The following IQCK variants were observed in gnomAD, a reference collection of about 807,000 sequenced individuals.
IQCK encodes IQ domain-containing protein K.
A neutral mutation model predicts 28.1 loss-of-function variants in IQCK; 29 were observed. That is an observed-to-expected ratio of 1.03 (90% CI 0.77 to 1.41). IQCK has a LOEUF of 1.41. Among genes scored for constraint, IQCK ranks in the 40% most tolerant of loss-of-function variants. The pLI, the probability that IQCK is intolerant of heterozygous loss-of-function variation, is 0.00. For missense variants in IQCK, 359 were observed against 314.7 expected (o/e 1.14, Z -1.07); for synonymous variants, 113 against 115.1 (o/e 0.98, Z 0.12).
At chr16:19,841,048 CA>C (rs1461905426) in intron 9 of IQCK, among the ~76,000 whole-genome samples, 2 of 152,234 alleles carry the variant, frequency 1.3e-5, no homozygotes, top group African/African-American at 4.8e-5. Flanking sequence ...AGGATGTGAA[CA>C]GCTAAAGCGT....
intron 6 of IQCK, among the ~76,000 whole-genome samples, chr16:19,767,169 A>G (rs1393902160): frequency 1.3e-5 from 2 of 152,200 alleles, no homozygotes; most frequent in African/African-American, 4.8e-5. Flanking sequence ...GGCGGTGTCT[A>G]TAGGTGAATT....
At chr16:19,828,941 AATT>A (rs1372266948), downstream of IQCK, among the ~76,000 whole-genome samples, 2 of 143,990 alleles carry the variant, frequency 1.4e-5, no homozygotes, top group Non-Finnish European at 1.5e-5. Flanking sequence ...AATATATTTT[AATT>A]ATTTAATTAT....
At chr16:19,768,105 A>G (rs2055268452) in intron 6 of IQCK, among the ~76,000 whole-genome samples, 1 of 151,220 alleles carries the variant, frequency 6.6e-6, no homozygotes, top group South Asian at 2.1e-4. Flanking sequence ...AAAGTACTGC[A>G]TCCAGGAACT....
chr16:19,751,583 G>A (rs1187248393), intron 4 of IQCK, among the ~76,000 whole-genome samples: 1 of 152,196 alleles, frequency 6.6e-6, no homozygotes, highest in Admixed American at 6.5e-5. Context: ...GGTCCAGGTA[G>A]GCAATGAGAG....
intron 9 of IQCK, among the ~76,000 whole-genome samples, chr16:19,847,953 C>A (rs907307234): frequency 2.0e-5 from 3 of 152,212 alleles, no homozygotes; most frequent in Non-Finnish European, 4.4e-5. Flanking sequence ...TAGGCATGCG[C>A]CACCACACCT....
At chr16:19,732,875 T>C (rs1977885332) in intron 2 of IQCK, among the ~76,000 whole-genome samples, 1 of 152,174 alleles carries the variant, frequency 6.6e-6, no homozygotes, top group Non-Finnish European at 1.5e-5. Flanking sequence ...GAGGGGGAGC[T>C]GGAGATCCAG....
At chr16:19,754,913 T>C (rs1048925435) in intron 4 of IQCK, among the ~76,000 whole-genome samples, 3 of 152,214 alleles carry the variant, frequency 2.0e-5, no homozygotes, top group Non-Finnish European at 4.4e-5. Flanking sequence ...CAAAACACTT[T>C]CTGAAATGAC....
chr16:19,749,176 TAGAG>T (rs1356776663), intron 4 of IQCK, among the ~76,000 whole-genome samples: 8 of 152,154 alleles, frequency 5.3e-5, no homozygotes, highest in Non-Finnish European at 7.4e-5. Context: ...ATCCAGGAAA[TAGAG>T]AAGAGAGACG....
At chr16:19,822,084 C>CAA (rs1234011581) in intron 7 of IQCK, among the ~76,000 whole-genome samples, 9 of 97,604 alleles carry the variant, frequency 9.2e-5, no homozygotes, top group Admixed American at 3.2e-4. Flanking sequence ...AAAAAAAAAA[C>CAA]AAAAAAAAAA....
At chr16:19,826,247 A>G (rs1185463708) in intron 7 of IQCK, among the ~76,000 whole-genome samples, 1 of 152,128 alleles carries the variant, frequency 6.6e-6, no homozygotes, top group Non-Finnish European at 1.5e-5. Context: ...GGCTTGAGCA[A>G]TCCTCCTGCC....
At chr16:19,813,610 A>G (rs2055935923) in intron 7 of IQCK, among the ~76,000 whole-genome samples, 1 of 152,236 alleles carries the variant, frequency 6.6e-6, no homozygotes, top group South Asian at 2.1e-4. Flanking sequence ...ATTTAAAAAC[A>G]CATCTCGCAT....
chr16:19,771,086 G>A (rs2055313824), intron 6 of IQCK, among the ~76,000 whole-genome samples: 1 of 152,122 alleles, frequency 6.6e-6, no homozygotes. Context: ...CAGGTTCTGG[G>A]AATTTTTTGG....
exon 10 of IQCK, chr16:19,856,582 A>G (rs1047196801): frequency 6.3e-7 from 1 of 1,575,290 alleles, no homozygotes; most frequent in Non-Finnish European, 8.7e-7. Context: ...CCATTCGAGC[A>G]CAAGTTACCT....
At chr16:19,817,032 T>A (rs2055997978) in intron 7 of IQCK, among the ~76,000 whole-genome samples, 1 of 152,158 alleles carries the variant, frequency 6.6e-6, no homozygotes, top group South Asian at 2.1e-4. Context: ...GGGTTGGCTT[T>A]TAAAACCAAT....
intron 5 of IQCK, 21 bp from the exon 6 acceptor site, chr16:19,764,014 A>G (rs1416752615): frequency 1.9e-6 from 3 of 1,612,314 alleles, no homozygotes; most frequent in Non-Finnish European, 2.5e-6. Context: ...TTGTCAATCA[A>G]ACATATGGCA....
At chr16:19,755,441 A>C (rs2055039259) in intron 4 of IQCK, among the ~76,000 whole-genome samples, 1 of 152,196 alleles carries the variant, frequency 6.6e-6, no homozygotes, top group Admixed American at 6.5e-5. Flanking sequence ...CACACTGCAG[A>C]GAGAACAGGC....
chr16:19,838,264 G>A (rs2056321755), intron 9 of IQCK, among the ~76,000 whole-genome samples: 1 of 152,206 alleles, frequency 6.6e-6, no homozygotes, highest in Admixed American at 6.5e-5. Flanking sequence ...AGCGAGGTGG[G>A]ATCACTGGGG....
downstream of IQCK, among the ~76,000 whole-genome samples, chr16:19,830,258 G>C (rs2056213432): frequency 6.6e-6 from 1 of 152,222 alleles, no homozygotes; most frequent in African/African-American, 2.4e-5. Context: ...TCAGTTTAAA[G>C]GTCGAGGAAA....
intron 9 of IQCK, among the ~76,000 whole-genome samples, chr16:19,834,930 G>GTTGAGTA (rs2056276226): frequency 6.6e-6 from 1 of 152,168 alleles, no homozygotes; most frequent in Non-Finnish European, 1.5e-5. Flanking sequence ...GACAATCACT[G>GTTGAGTA]TTGAGTATAT....
Sources: gnomAD v4.1 joint callset for allele counts (sites outside exome capture counted in the v4.1 genomes callset) on GRCh38, gnomAD v4.1.1 for gene constraint, MANE v1.5 for transcripts, NCBI Gene and HGNC (gene_info 2026-07-23, HGNC 2026-07-21) for gene names.